The following E2F3 variants were observed in gnomAD, a reference collection of about 807,000 sequenced individuals.
E2F3 encodes the protein transcription factor E2F3.
E2F3 carries 11 observed loss-of-function variants against 44.4 expected under a neutral mutation model. The ratio of observed to expected loss-of-function variants is 0.25; its 90% CI spans 0.16 to 0.41. The LOEUF (loss-of-function observed/expected upper bound fraction) is 0.41. E2F3 is among the 10% of genes least tolerant of loss of function. E2F3 has a pLI of 1.00. For synonymous variants in E2F3, 249 were observed against 253.0 expected, an observed-to-expected ratio of 0.98 and a Z score of 0.15; for missense variants, 487 against 583.6, an observed-to-expected ratio of 0.83 and a Z score of 1.70.
intron 1 of E2F3, among the ~76,000 whole-genome samples, chr6:20,431,165 G>A (rs1158889906): frequency 6.6e-6 from 1 of 152,132 alleles, no homozygotes; most frequent in Non-Finnish European, 1.5e-5. Flanking sequence ...AACACTTCTC[G>A]TCATCAGCTG....
chr6:20,482,036 A>G (rs750364954), intron 3 of E2F3, among the ~76,000 whole-genome samples: 2 of 152,224 alleles, frequency 1.3e-5, no homozygotes, highest in Non-Finnish European at 2.9e-5. Context: ...AATAGCCACT[A>G]TAAGCACAGT....
intron 1 of E2F3, among the ~76,000 whole-genome samples, chr6:20,451,886 C>T (rs938605772): frequency 6.6e-6 from 1 of 152,182 alleles, no homozygotes; most frequent in Non-Finnish European, 1.5e-5. Flanking sequence ...GTTGAACCAA[C>T]CTTGCATCCC....
intron 1 of E2F3, among the ~76,000 whole-genome samples, chr6:20,454,512 G>A (rs1401409256): frequency 6.6e-6 from 1 of 152,086 alleles, no homozygotes. Context: ...TTTTTTCCAG[G>A]AGTCACAAAG....
intron 1 of E2F3, among the ~76,000 whole-genome samples, chr6:20,463,634 G>A (rs1264892158): frequency 6.6e-6 from 1 of 152,088 alleles, no homozygotes; most frequent in South Asian, 2.1e-4. Context: ...GAATATAGAG[G>A]AACTAAAAAC....
rs200225541 is a variant in E2F3 at position 20,463,609 on chromosome 6, G to A, written c.394-16237G>A. 5.9e-5 allele frequency among the ~76,000 whole-genome samples: 9 copies of A among 152,166 alleles called. No individual in the cohort carries two copies. The East Asian group carries it at 1.2e-3, about 20-fold the overall frequency. ...TGCCTTGAGATTTTAAAAGGTTTTC[G>A]CTGGGTATGTCTGAGAATATAGAGG... is the stretch of plus-strand genomic sequence containing the variant. On this transcript the variant is annotated intron_variant, in intron 1 of 6. Transcript: ENST00000346618.
chr6:20,490,497 T>C lies in E2F3; in HGVS notation c.*67T>C. 1 of 1,477,922 alleles carries C rather than the reference T, an allele frequency of 6.8e-7. No homozygotes were observed. The highest frequency in any genetic ancestry group is 2.3e-5 in the East Asian group (1 of 43,088). The allele number at this position is 1,477,922 out of a possible 1,614,324, so 91.6% of individuals were successfully genotyped here. ...TATCATGGAACCAGAACATCTGTCATGCAGTGTTGTCCCTTCCTACCTTCT... is the reference window on the plus strand; with the variant it reads ...TATCATGGAACCAGAACATCTGTCACGCAGTGTTGTCCCTTCCTACCTTCT... On this transcript the variant is annotated 3_prime_UTR_variant, in exon 7 of 7. Coordinates refer to ENST00000346618, the MANE Select transcript of E2F3 (RefSeq NM_001949.5). This position sits in a 1 kb window ranked among gnomAD's most constrained non-coding sequence, Gnocchi z 4.3.
intron 1 of E2F3, among the ~76,000 whole-genome samples, chr6:20,462,513 A>G (rs1227126592): frequency 1.3e-5 from 2 of 148,596 alleles, no homozygotes; most frequent in Admixed American, 6.8e-5. Context: ...GCTGGAGTGC[A>G]GTGGCGTGAT....
intron 1 of E2F3, among the ~76,000 whole-genome samples, chr6:20,414,379 G>A (rs1053197874): frequency 6.6e-6 from 1 of 152,022 alleles, no homozygotes; most frequent in African/African-American, 2.4e-5. Flanking sequence ...GAGCCAGCTG[G>A]AAAGTACTGT....
intron 1 of E2F3, among the ~76,000 whole-genome samples, chr6:20,466,886 T>C (rs1761731738): frequency 6.6e-6 from 1 of 152,172 alleles, no homozygotes; most frequent in South Asian, 2.1e-4. Context: ...TTCACCGTCT[T>C]GGCCAGGCTG....
At chr6:20,479,641 G>A (rs775339887) in intron 1 of E2F3, among the ~76,000 whole-genome samples, 2 of 152,220 alleles carry the variant, frequency 1.3e-5, no homozygotes, top group South Asian at 2.1e-4. Flanking sequence ...GGATGATCAC[G>A]GCAGGTGAAG....
chr6:20,424,655 G>A (rs1760152355), intron 1 of E2F3, among the ~76,000 whole-genome samples: 1 of 151,418 alleles, frequency 6.6e-6, no homozygotes, highest in Non-Finnish European at 1.5e-5. Context: ...TACAAATTGA[G>A]CTTCTTCTCC....
At chr6:20,418,827 ATTTG>A (rs1032212736) in intron 1 of E2F3, among the ~76,000 whole-genome samples, 4 of 149,826 alleles carry the variant, frequency 2.7e-5, no homozygotes, top group African/African-American at 4.9e-5. Flanking sequence ...GAAACACTGA[ATTTG>A]TTTGTTACCT....
At chr6:20,466,413 A>G (rs1163890535) in intron 1 of E2F3, among the ~76,000 whole-genome samples, 2 of 152,036 alleles carry the variant, frequency 1.3e-5, no homozygotes, top group Non-Finnish European at 2.9e-5. Context: ...ATGGCCAGCA[A>G]TTATTTTTTG....
chr6:20,429,228 T>C (rs889338315), intron 1 of E2F3, among the ~76,000 whole-genome samples: 13 of 152,220 alleles, frequency 8.5e-5, no homozygotes, highest in African/African-American at 2.9e-4. Flanking sequence ...TACAGTGTCA[T>C]ATAAGCCATC....
At chr6:20,417,132 A>G (rs888959077) in intron 1 of E2F3, among the ~76,000 whole-genome samples, 3 of 152,200 alleles carry the variant, frequency 2.0e-5, no homozygotes, top group Non-Finnish European at 2.9e-5. Flanking sequence ...TATAGCTGCA[A>G]TCAAATTGCC....
At chr6:20,472,536 T>A (rs1390877736) in intron 1 of E2F3, among the ~76,000 whole-genome samples, 3 of 151,960 alleles carry the variant, frequency 2.0e-5, no homozygotes, top group Non-Finnish European at 4.4e-5. Flanking sequence ...AAAAAAAAAT[T>A]AGCCACTCAT....
At chr6:20,474,864 G>A (rs900103210) in intron 1 of E2F3, among the ~76,000 whole-genome samples, 14 of 152,176 alleles carry the variant, frequency 9.2e-5, no homozygotes, top group South Asian at 2.1e-4. Flanking sequence ...ATCCAGTTCC[G>A]CCCTCCCTGT....
At position 20,427,645 on chromosome 6, in the gene E2F3, C is replaced by T. The variant is rs183882383; in HGVS notation, c.393+25020C>T. Among the ~76,000 whole-genome samples the T allele has an allele frequency of 4.9e-4, 74 of 152,236 alleles. No individual in the cohort carries two copies. In the East Asian group the frequency reaches 8.9e-3, roughly 18 times the overall value. On this transcript the variant is annotated intron_variant, in intron 1 of 6. Transcript: ENST00000346618. Reference sequence around the variant, plus strand: ...GGGGACCTCAGGGAGGTTTTGCTGCCGAAGTGACTGCCCATTCTGCCGGCA... The same window carrying T: ...GGGGACCTCAGGGAGGTTTTGCTGCTGAAGTGACTGCCCATTCTGCCGGCA...
chr6:20,421,063 G>A (rs1183875958), intron 1 of E2F3, among the ~76,000 whole-genome samples: 1 of 152,222 alleles, frequency 6.6e-6, no homozygotes, highest in African/African-American at 2.4e-5. Context: ...TCCGTAAGAA[G>A]CAACTCCTCA....
Sources: allele counts gnomAD v4.1 joint callset (sites outside exome capture counted in the v4.1 genomes callset), GRCh38; gene constraint gnomAD v4.1.1; non-coding constraint Gnocchi (gnomAD v3.1); transcripts MANE v1.5; gene names NCBI Gene and HGNC (gene_info 2026-07-23, HGNC 2026-07-21).